Variants in GYPB observed in about 807,000 individuals in gnomAD.
GYPB encodes the protein glycophorin-B.
GYPB carries 13 observed loss-of-function variants against 15.3 expected under a neutral mutation model. The observed-to-expected ratio is 0.85, with a 90% confidence interval of 0.55 to 1.35. The LOEUF (loss-of-function observed/expected upper bound fraction) is 1.35. Ranked by LOEUF, GYPB falls within the 40% of genes most tolerant of loss-of-function variation. The pLI, the probability that GYPB is intolerant of heterozygous loss-of-function variation, is 0.00. For missense variants in GYPB, 131 were observed against 108.3 expected (o/e 1.21, Z -0.93); for synonymous variants, 38 against 36.9 (o/e 1.03, Z -0.11).
At chr4:144,009,970 T>G (rs1579063714) in intron 1 of GYPB, among the ~76,000 whole-genome samples, 2 of 151,230 alleles carry the variant, frequency 1.3e-5, no homozygotes, top group Non-Finnish European at 2.9e-5. Flanking sequence ...TTGTAAGGTA[T>G]ACAAAACTAG....
At chr4:143,997,034 A>G (rs1727358653) in intron 4 of GYPB, among the ~76,000 whole-genome samples, 1 of 150,974 alleles carries the variant, frequency 6.6e-6, no homozygotes, top group African/African-American at 2.5e-5. Flanking sequence ...AGCCCCCTGA[A>G]TAGCTGATAC....
chr4:144,015,984 C>T (rs1000100766), intron 1 of GYPB, among the ~76,000 whole-genome samples: 2 of 150,782 alleles, frequency 1.3e-5, no homozygotes, highest in African/African-American at 5.0e-5. Flanking sequence ...TATTGACTGC[C>T]TACTATGTGG....
rs138856510 is a variant in GYPB at position 144,001,219 on chromosome 4, T to C, written c.102A>G (p.Ser34=). 1.7e-3 allele frequency: 2,808 copies of C among 1,611,176 alleles called. 206 individuals carry two copies. In the African/African-American group the frequency reaches 0.035, roughly 20 times the overall value. ...GTGATGAGATGTAACTCTTTGTGAC[T>C]GAAGAAGAGGTTGAAGTGTGCATTG... ...EVAMHTSTSS[S]VTKSYISSQT... The change falls in exon 2 of 5, where the codon TCA becomes TCG. Residue 34 remains serine (S), a synonymous_variant. Coordinates refer to ENST00000502664, the MANE Select transcript of GYPB (RefSeq NM_002100.6).
chr4:143,996,136 A>G lies in GYPB; in HGVS notation c.*163T>C, dbSNP rs1002849850. On this transcript the variant is annotated 3_prime_UTR_variant, in exon 5 of 5. Transcript: ENST00000502664. ...TGTATTTTGTTTTATTTTTATTTAG[A>G]AGTAGAGAATACAGTAATAGTGAGG... The G allele has an allele frequency of 2.5e-5, 36 of 1,450,162 alleles. 2 individuals carry two copies. In the African/African-American group the frequency reaches 4.7e-4, roughly 19 times the overall value. 89.8% of individuals were successfully genotyped at this position (1,450,162 alleles called of 1,614,324 possible).
chr4:143,997,823 G>A (rs1450602368), intron 3 of GYPB, among the ~76,000 whole-genome samples, 189 bp from the exon 4 acceptor site: 1 of 151,374 alleles, frequency 6.6e-6, no homozygotes, highest in African/African-American at 2.5e-5. Flanking sequence ...AACTGGGACT[G>A]TGAGTGATCA....
chr4:144,008,850 G>T (rs553122617), intron 1 of GYPB, among the ~76,000 whole-genome samples: 6 of 151,562 alleles, frequency 4.0e-5, no homozygotes, highest in Non-Finnish European at 8.8e-5. Flanking sequence ...TCCAGGCATT[G>T]GATTCTGATG....
At chr4:144,004,549 G>A (rs1239953061) in intron 1 of GYPB, among the ~76,000 whole-genome samples, 1 of 151,164 alleles carries the variant, frequency 6.6e-6, no homozygotes, top group Non-Finnish European at 1.5e-5. Flanking sequence ...TCACATGGGG[G>A]CAATTTAAAG....
At chr4:144,010,189 T>G (rs1728145459) in intron 1 of GYPB, among the ~76,000 whole-genome samples, 1 of 151,258 alleles carries the variant, frequency 6.6e-6, no homozygotes, top group African/African-American at 2.5e-5. Flanking sequence ...GTAGTCTAGG[T>G]GTGGTGGCTC....
At chr4:144,017,038 AGTT>A (rs942386984) in intron 1 of GYPB, among the ~76,000 whole-genome samples, 25 of 150,682 alleles carry the variant, frequency 1.7e-4, no homozygotes, top group South Asian at 2.1e-4. Context: ...TTAATAAGAT[AGTT>A]GTTGTTCCAT....
chr4:143,997,683 G>T, intron 3 of GYPB, 49 bp from the exon 4 acceptor site: 1 of 930,998 alleles, frequency 1.1e-6, no homozygotes, highest in Non-Finnish European at 1.8e-6. Flanking sequence ...TGACCACATA[G>T]CAATAGAAAA....
intron 1 of GYPB, among the ~76,000 whole-genome samples, chr4:144,010,034 A>C (rs1297600258): frequency 6.6e-6 from 1 of 151,440 alleles, no homozygotes; most frequent in African/African-American, 2.5e-5. Flanking sequence ...TAGCATAACT[A>C]GAATGTCTGG....
chr4:144,015,065 G>A (rs1226325485), intron 1 of GYPB, among the ~76,000 whole-genome samples: 3 of 151,324 alleles, frequency 2.0e-5, no homozygotes, highest in Non-Finnish European at 4.4e-5. Flanking sequence ...GTCACAAATA[G>A]ATTGTATAGT....
intron 1 of GYPB, among the ~76,000 whole-genome samples, chr4:144,014,743 T>C (rs1214868991): frequency 6.6e-6 from 1 of 151,476 alleles, no homozygotes; most frequent in Non-Finnish European, 1.5e-5. Context: ...ATGCTACCAA[T>C]TGTACACTTT....
intron 1 of GYPB, among the ~76,000 whole-genome samples, chr4:144,003,492 A>C (rs1727729737): frequency 6.6e-6 from 1 of 151,418 alleles, no homozygotes; most frequent in Non-Finnish European, 1.5e-5. Flanking sequence ...AGGTTGTCAA[A>C]AGAATATGGC....
intron 4 of GYPB, among the ~76,000 whole-genome samples, chr4:143,996,863 T>C (rs1205470005): frequency 7.1e-6 from 1 of 141,514 alleles, no homozygotes; most frequent in African/African-American, 2.9e-5. Flanking sequence ...TTTCAGAACA[T>C]GTGAGAATTA....
chr4:144,018,824 A>C (rs539489663), intron 1 of GYPB, among the ~76,000 whole-genome samples: 2 of 151,172 alleles, frequency 1.3e-5, no homozygotes, highest in East Asian at 3.9e-4. Context: ...TTGGCTTCTC[A>C]CCATTTGGCA....
intron 1 of GYPB, among the ~76,000 whole-genome samples, chr4:144,013,473 T>C (rs984266400): frequency 5.6e-4 from 85 of 151,348 alleles, no homozygotes; most frequent in Non-Finnish European, 2.8e-4. Flanking sequence ...TGCACACGTA[T>C]GTTTATTGTG....
At chr4:144,008,342 C>A in intron 1 of GYPB, 1 of 452,594 alleles carries the variant, frequency 2.2e-6, no homozygotes, top group Middle Eastern at 3.4e-4. Flanking sequence ...AGCAAGCCTT[C>A]ACTTCAGCAA....
At chr4:143,998,477 G>C (rs1413762481) in intron 3 of GYPB, among the ~76,000 whole-genome samples, 1 of 150,126 alleles carries the variant, frequency 6.7e-6, no homozygotes, top group Non-Finnish European at 1.5e-5. Flanking sequence ...TGACCACTTA[G>C]CTTGAATGTA....
Sources: gnomAD v4.1 joint callset for allele counts (sites outside exome capture counted in the v4.1 genomes callset) on GRCh38, gnomAD v4.1.1 for gene constraint, MANE v1.5 for transcripts, NCBI Gene and HGNC (gene_info 2026-07-23, HGNC 2026-07-21) for gene names.